Variants in WNK1 observed in about 807,000 individuals in gnomAD.
The protein encoded by WNK1 is WNK lysine deficient protein kinase 1, also known as serine/threonine-protein kinase WNK1.
In WNK1, 38 loss-of-function variants were observed where a neutral mutation model predicts 222.8. The ratio of observed to expected loss-of-function variants is 0.17; its 90% confidence interval spans 0.13 to 0.22. The LOEUF (loss-of-function observed/expected upper bound fraction) is 0.22. Among genes scored for constraint, WNK1 ranks in the 10% least tolerant of loss-of-function variants. WNK1 has a pLI of 1.00. For synonymous variants in WNK1, 1,090 were observed against 1,092.9 expected (o/e 1.00, Z 0.05); for missense variants, 2,348 against 2,918.4 (o/e 0.80, Z 4.50).
At chr12:901,683 C>T in intron 26 of WNK1, 4 of 1,196,310 alleles carry the variant, frequency 3.3e-6, no homozygotes, top group Non-Finnish European at 4.4e-6. Context: ...CTTCCTTGTC[C>T]TTGTGTTTCT....
intron 4 of WNK1, among the ~76,000 whole-genome samples, chr12:854,636 C>A (rs572345537): frequency 6.6e-6 from 1 of 152,066 alleles, no homozygotes; most frequent in Non-Finnish European, 1.5e-5. Flanking sequence ...GTGTGAGCCA[C>A]CATGCCTGGC....
chr12:830,250 A>C, intron 4 of WNK1, 90 bp downstream of exon 4: 1 of 1,453,658 alleles, frequency 6.9e-7, no homozygotes, highest in Admixed American at 1.8e-5. Flanking sequence ...AAAAGAGGAC[A>C]ATAGTGGAAG....
intron 1 of WNK1, among the ~76,000 whole-genome samples, chr12:767,287 C>T (rs949240159): frequency 8.5e-6 from 1 of 117,424 alleles, no homozygotes; most frequent in Non-Finnish European, 1.6e-5. Flanking sequence ...GAGTCTTGCT[C>T]TGTCGCTCAC....
Position 883,535 on chromosome 12 carries a change from A to G in WNK1, c.3630A>G (p.Gln1210=). 3 of 1,614,224 alleles carry G rather than the reference A, an allele frequency of 1.9e-6. No homozygotes were observed. The highest frequency in any genetic ancestry group is 1.1e-5 in the South Asian group (1 of 91,084). ...GTGATCAGGGATTGGAGAGTCTACA[A>G]GGAAAGGATGACTATGGCTTTTCAG... The part of the protein sequence containing the change: ...PEGDQGLESL[Q]GKDDYGFSGS... Residue 1210 remains glutamine (Q), a synonymous_variant, in exon 16 of 28, where the codon CAA becomes CAG. Coordinates refer to ENST00000315939, the MANE Select transcript of WNK1 (RefSeq NM_018979.4).
In WNK1 at chr12:908,852, TGGGGGTGG is replaced by T; in HGVS notation, c.*62_*69del. The T allele has an allele frequency of 4.2e-6, 1 of 237,436 alleles. No individual in the cohort carries two copies. The highest frequency in any genetic ancestry group is 8.6e-6 in the Non-Finnish European group (1 of 116,576). The allele number at this position is 237,436 out of a possible 1,614,324, so 14.7% of individuals were successfully genotyped here. Reference sequence around the variant, plus strand: ...GGAGATGGAATGCTGAGGGGGTGGGTGGGGGTGGGAAGTAGCCTATATACTAACTACTA... The same window carrying T: ...GGAGATGGAATGCTGAGGGGGTGGGTGAAGTAGCCTATATACTAACTACTA... On this transcript the variant is annotated 3_prime_UTR_variant, in exon 28 of 28. Coordinates refer to ENST00000315939, the MANE Select transcript of WNK1 (RefSeq NM_018979.4).
At chr12:840,186 G>T (rs997612659) in intron 4 of WNK1, among the ~76,000 whole-genome samples, 1 of 151,952 alleles carries the variant, frequency 6.6e-6, no homozygotes, top group Non-Finnish European at 1.5e-5. Flanking sequence ...TGAGTGCAGT[G>T]GTACAATCAT....
intron 9 of WNK1, among the ~76,000 whole-genome samples, chr12:875,999 G>A (rs1412270788): frequency 6.6e-6 from 1 of 152,158 alleles, no homozygotes; most frequent in Non-Finnish European, 1.5e-5. Context: ...TAACAAATTT[G>A]TCTTATATTC....
intron 26 of WNK1, among the ~76,000 whole-genome samples, chr12:907,037 A>AAAAAAAAAAAAAAAAAAAAAAAAAAC (rs1955764200): frequency 6.8e-6 from 1 of 148,088 alleles, no homozygotes; most frequent in Non-Finnish European, 1.5e-5. Context: ...AAAAAAAAAA[A>AAAAAAAAAAAAAAAAAAAAAAAAAAC]AGCCGGGCGT....
At chr12:817,017 ACTT>A (rs1947404879) in intron 2 of WNK1, among the ~76,000 whole-genome samples, 1 of 152,242 alleles carries the variant, frequency 6.6e-6, no homozygotes, top group Non-Finnish European at 1.5e-5. Flanking sequence ...CTTCTGAAGA[ACTT>A]CTAGAAATAA....
At position 832,279 on chromosome 12, in the gene WNK1, G is replaced by A. The variant is rs181214307; in HGVS notation, c.1311+2119G>A. 4.0e-3 allele frequency among the ~76,000 whole-genome samples: 607 copies of A among 152,128 alleles called. 4 individuals carry two copies. Among genetic ancestry groups the A allele is most frequent in the South Asian group, 0.031 (150 of 4,810 alleles). The stretch of plus-strand genomic sequence containing the variant: ...TTTAGTAGAGATGGGGTTTCACTGT[G>A]TTAGCCAGGATGGTCTCGATCTCCT... On this transcript the variant is annotated intron_variant, in intron 4 of 27. Transcript: ENST00000315939.
chr12:859,052 GT>G (rs1368515858), intron 5 of WNK1, among the ~76,000 whole-genome samples, 192 bp from the exon 6 acceptor site: 2 of 152,136 alleles, frequency 1.3e-5, no homozygotes, highest in African/African-American at 4.8e-5. Context: ...TTGTTATGAT[GT>G]TTTATAACTT....
rs765377008 is a variant in WNK1 at position 754,334 on chromosome 12, C to T, written c.759+10C>T. 6.2e-7 allele frequency: 1 copy of T among 1,611,722 alleles called. No individual in the cohort carries two copies. The highest frequency in any genetic ancestry group is 8.5e-7 in the Non-Finnish European group (1 of 1,179,740). On this transcript the variant is annotated intron_variant, in intron 1 of 27. Transcript: ENST00000315939. ...CTGGTGTGAACTGCAGGTAAAGCCC[C>T]ACCTACTTTATTTGACGGTCCTTTG...
At chr12:842,179 AAG>A (rs1346377896) in intron 4 of WNK1, among the ~76,000 whole-genome samples, 1 of 152,222 alleles carries the variant, frequency 6.6e-6, no homozygotes, top group Non-Finnish European at 1.5e-5. Flanking sequence ...TACTCTGTGA[AAG>A]AGAAGTGAAA....
At chr12:892,767 A>G (rs1031134357) in intron 22 of WNK1, among the ~76,000 whole-genome samples, 3 of 152,242 alleles carry the variant, frequency 2.0e-5, no homozygotes, top group African/African-American at 7.2e-5. Flanking sequence ...AAGTAAGGCT[A>G]CAAGTGATAG....
intron 2 of WNK1, among the ~76,000 whole-genome samples, chr12:823,790 C>T (rs1009962853): frequency 6.6e-6 from 1 of 152,000 alleles, no homozygotes; most frequent in Non-Finnish European, 1.5e-5. Context: ...TGATTAAGAG[C>T]TCTGCTTATG....
intron 1 of WNK1, among the ~76,000 whole-genome samples, chr12:792,641 C>T (rs1944955666): frequency 1.3e-5 from 2 of 152,038 alleles, no homozygotes; most frequent in Non-Finnish European, 2.9e-5. Flanking sequence ...AACAAAAAAG[C>T]TTACAATGAG....
At chr12:811,849 A>G (rs147323714) in intron 1 of WNK1, among the ~76,000 whole-genome samples, 1 of 152,306 alleles carries the variant, frequency 6.6e-6, no homozygotes, top group Non-Finnish European at 1.5e-5. Flanking sequence ...CTAACTTCAA[A>G]CATTAAGCAG....
chr12:813,923 A>G (rs1423513793), intron 2 of WNK1, 109 bp downstream of exon 2: 2 of 1,162,514 alleles, frequency 1.7e-6, no homozygotes, highest in Non-Finnish European at 2.5e-6. Flanking sequence ...AGAAGGGAAC[A>G]GTCCTTCCAA....
At chr12:808,897 C>G (rs766120396) in intron 1 of WNK1, among the ~76,000 whole-genome samples, 1 of 151,558 alleles carries the variant, frequency 6.6e-6, no homozygotes, top group African/African-American at 2.4e-5. Context: ...CCAAGTACCT[C>G]GGATTACAGG....
Sources: gnomAD v4.1 joint callset for allele counts (sites outside exome capture counted in the v4.1 genomes callset) on GRCh38, gnomAD v4.1.1 for gene constraint, MANE v1.5 for transcripts, NCBI Gene and HGNC (gene_info 2026-07-23, HGNC 2026-07-21) for gene names.